The following PTPRN2 variants were observed in gnomAD, a reference collection of about 807,000 sequenced individuals.
The protein encoded by PTPRN2 is protein tyrosine phosphatase receptor type N2.
In PTPRN2, 74 loss-of-function variants were observed where a neutral mutation model predicts 118.8. That is an observed-to-expected ratio of 0.62 (90% CI 0.52 to 0.76). The LOEUF (loss-of-function observed/expected upper bound fraction) is 0.76, where lower values mean the gene tolerates loss of function less well. Among genes scored for constraint, PTPRN2 ranks in the 30% least tolerant of loss-of-function variants. PTPRN2 has a pLI of 0.00. For missense variants in PTPRN2, 1,481 were observed against 1,394.4 expected, an observed-to-expected ratio of 1.06 and a Z score of -0.99; for synonymous variants, 641 against 608.0, an observed-to-expected ratio of 1.05 and a Z score of -0.80.
At chr7:158,296,271 G>A (rs747285723) in intron 3 of PTPRN2, among the ~76,000 whole-genome samples, 21 of 152,252 alleles carry the variant, frequency 1.4e-4, no homozygotes, top group Middle Eastern at 3.4e-3. Flanking sequence ...GGAGCACACC[G>A]GCAGAAGAAC....
chr7:157,543,708 G>A (rs1798122272), intron 22 of PTPRN2, among the ~76,000 whole-genome samples: 1 of 152,270 alleles, frequency 6.6e-6, no homozygotes, highest in Admixed American at 6.5e-5. Flanking sequence ...GGACCTCAGT[G>A]ATCGTGTCTC....
chr7:158,485,802 G>A (rs1280569272), intron 2 of PTPRN2, among the ~76,000 whole-genome samples: 2 of 152,166 alleles, frequency 1.3e-5, no homozygotes, highest in Admixed American at 6.5e-5. Flanking sequence ...CCCAGAGAGA[G>A]CCACTATTCA....
At position 157,834,059 on chromosome 7, in the gene PTPRN2, A is replaced by G. The variant is rs917645548; in HGVS notation, c.1788+64614T>C. ...TGTAGTACTTTCTATCCGCCAATCA[A>G]TGAGCCAGCAGCATTCCCTGTGATC... is the stretch of plus-strand genomic sequence containing the variant. On this transcript the variant is annotated intron_variant, in intron 12 of 22. Coordinates refer to ENST00000389418, the MANE Select transcript of PTPRN2 (RefSeq NM_002847.5). Among the ~76,000 whole-genome samples, 9 of 151,942 alleles carry G rather than the reference A, an allele frequency of 5.9e-5. No homozygotes were observed. The South Asian group carries it at 6.2e-4, about 11-fold the overall frequency.
chr7:158,248,796 TAGATG>T, intron 3 of PTPRN2, among the ~76,000 whole-genome samples: 1 of 12,268 alleles, frequency 8.2e-5, no homozygotes. Flanking sequence ...TATGTGCATA[TAGATG>T]ACACACGTGC....
intron 14 of PTPRN2, among the ~76,000 whole-genome samples, chr7:157,626,959 C>G (rs893662741): frequency 7.2e-5 from 11 of 152,362 alleles, no homozygotes; most frequent in African/African-American, 2.6e-4. Context: ...AGACAGGTGT[C>G]AGCTCATTGA....
At chr7:158,502,500 C>T (rs1476617664) in intron 1 of PTPRN2, among the ~76,000 whole-genome samples, 4 of 152,166 alleles carry the variant, frequency 2.6e-5, no homozygotes, top group African/African-American at 2.4e-5. Flanking sequence ...CACAGCCACC[C>T]CTCAGGGGTC....
At position 157,803,033 on chromosome 7, in the gene PTPRN2, C is replaced by T. The variant is rs538721728; in HGVS notation, c.1788+95640G>A. On this transcript the variant is annotated intron_variant, in intron 12 of 22. Transcript: ENST00000389418. The stretch of plus-strand genomic sequence containing the variant: ...AGGCTGGAATGCAGTGGCACCATCT[C>T]GGCTCACTGCAACCTCCACCTCCCA... Among the ~76,000 whole-genome samples the T allele has an allele frequency of 2.1e-4, 32 of 152,300 alleles. No homozygotes were observed. The South Asian group carries it at 4.4e-3, about 21-fold the overall frequency.
At chr7:157,911,222 C>T (rs982453945) in intron 11 of PTPRN2, among the ~76,000 whole-genome samples, 4 of 152,150 alleles carry the variant, frequency 2.6e-5, no homozygotes, top group African/African-American at 9.7e-5. Context: ...CAAGACCCAC[C>T]CCATGGAGAA....
At chr7:157,910,728 G>T (rs1423629001) in intron 11 of PTPRN2, among the ~76,000 whole-genome samples, 2 of 152,236 alleles carry the variant, frequency 1.3e-5, no homozygotes, top group African/African-American at 2.4e-5. Context: ...GTGTGTGCGA[G>T]CGCGCGTGCG....
intron 5 of PTPRN2, among the ~76,000 whole-genome samples, chr7:158,169,007 C>A (rs370588652): frequency 6.6e-6 from 1 of 152,208 alleles, no homozygotes; most frequent in Non-Finnish European, 1.5e-5. Flanking sequence ...GTTTAAATCC[C>A]ATCCGTTCAT....
chr7:157,639,455 G>A (rs1563290043), intron 14 of PTPRN2, among the ~76,000 whole-genome samples: 1 of 152,234 alleles, frequency 6.6e-6, no homozygotes, highest in African/African-American at 2.4e-5. Flanking sequence ...CATGGCATGT[G>A]TGTTTCCAGT....
chr7:158,414,700 G>A (rs1365653413), intron 2 of PTPRN2, among the ~76,000 whole-genome samples: 3 of 152,172 alleles, frequency 2.0e-5, no homozygotes, highest in Non-Finnish European at 2.9e-5. Flanking sequence ...CGTGCCTCCC[G>A]CCCTGGCCAC....
At chr7:158,013,743 CCG>C (rs1806222911) in intron 11 of PTPRN2, among the ~76,000 whole-genome samples, 1 of 35,104 alleles carries the variant, frequency 2.8e-5, no homozygotes, top group African/African-American at 1.4e-4. Context: ...ATCCACCCAC[CCG>C]CCCATCCATC....
At position 158,192,375 on chromosome 7, in the gene PTPRN2, T is replaced by A. The variant is rs760754215; in HGVS notation, c.501A>T (p.Ser167=). 2.6e-6 allele frequency: 4 copies of A among 1,526,912 alleles called. No individual in the cohort carries two copies. Among genetic ancestry groups the A allele is most frequent in the Non-Finnish European group, 3.5e-6 (4 of 1,148,990 alleles). The allele number at this position is 1,526,912 out of a possible 1,614,324, so 94.6% of individuals were successfully genotyped here. ...FLEALSQAPA[S]DVLARTHTAQ... ...CCGTATGGGTCCTGGCGAGCACGTC[T>A]GAGGCTGGGGCCTGGGACAGGGCCT... Residue 167 remains serine (S), a synonymous_variant, in exon 5 of 23, where the codon TCA becomes TCT. Transcript: ENST00000389418.
At chr7:157,573,512 G>A (rs1585049130) in intron 19 of PTPRN2, among the ~76,000 whole-genome samples, 1 of 152,238 alleles carries the variant, frequency 6.6e-6, no homozygotes, top group South Asian at 2.1e-4. Context: ...TTCCTCATGA[G>A]ACCAAGTACA....
intron 2 of PTPRN2, among the ~76,000 whole-genome samples, chr7:158,447,780 G>A (rs989261503): frequency 5.9e-5 from 9 of 152,366 alleles, no homozygotes; most frequent in African/African-American, 9.6e-5. Context: ...ACCTCTCTGC[G>A]CAGGTGCCGG....
At chr7:158,538,179 G>A (rs373883527) in intron 1 of PTPRN2, among the ~76,000 whole-genome samples, 243 of 152,308 alleles carry the variant, frequency 1.6e-3, no homozygotes, top group African/African-American at 5.5e-3. Context: ...CTTTTTAGGG[G>A]CCCCCTGTAA....
intron 11 of PTPRN2, among the ~76,000 whole-genome samples, chr7:157,928,472 T>C (rs985286534): frequency 1.1e-4 from 16 of 152,118 alleles, no homozygotes; most frequent in Admixed American, 7.9e-4. Context: ...GGGATGGACC[T>C]GCTATTCAGG....
At chr7:158,240,682 G>A (rs2150854087) in intron 3 of PTPRN2, among the ~76,000 whole-genome samples, 1 of 152,328 alleles carries the variant, frequency 6.6e-6, no homozygotes, top group Middle Eastern at 3.4e-3. Context: ...ACCTGCCTGG[G>A]ACTCCCAAAG....
Sources: gnomAD v4.1 joint callset for allele counts (sites outside exome capture counted in the v4.1 genomes callset) on GRCh38, gnomAD v4.1.1 for gene constraint, MANE v1.5 for transcripts, NCBI Gene and HGNC (gene_info 2026-07-23, HGNC 2026-07-21) for gene names.